Variants in RPS6KA5 observed in about 807,000 individuals in gnomAD.
RPS6KA5 encodes the protein ribosomal protein S6 kinase alpha-5.
RPS6KA5 carries 27 observed loss-of-function variants against 85.5 expected under a neutral mutation model. The ratio of observed to expected loss-of-function variants is 0.32; its 90% confidence interval spans 0.23 to 0.44. The LOEUF (loss-of-function observed/expected upper bound fraction) is 0.44, where lower values mean the gene tolerates loss of function less well. Ranked by LOEUF, RPS6KA5 falls within the 20% of genes least tolerant of loss-of-function variation. RPS6KA5 has a pLI of 1.00. For synonymous variants in RPS6KA5, 334 were observed against 348.2 expected (o/e 0.96, Z 0.46); for missense variants, 811 against 980.9 (o/e 0.83, Z 2.31).
intron 5 of RPS6KA5, among the ~76,000 whole-genome samples, chr14:90,936,490 G>A (rs960131601): frequency 6.6e-6 from 1 of 152,142 alleles, no homozygotes; most frequent in Non-Finnish European, 1.5e-5. Flanking sequence ...CTTGACCCCA[G>A]GAGGCAGAAG....
intron 14 of RPS6KA5, among the ~76,000 whole-genome samples, chr14:90,878,191 C>T (rs554517424): frequency 6.6e-6 from 1 of 152,338 alleles, no homozygotes; most frequent in African/African-American, 2.4e-5. Context: ...ATCCCCTGAA[C>T]CTTGCGTAGT....
Position 90,920,243 on chromosome 14 carries a change from C to G in RPS6KA5, c.769G>C (p.Val257Leu). The change falls in exon 7 of 17, where the codon GTT becomes CTT. Residue 257 changes from valine to leucine, a missense_variant. Physicochemically the swap from Val to Leu is conservative, Grantham distance 32. Around this residue, in one of 3 missense-constraint regions of RPS6KA5, gnomAD observed 650 missense variants for 793.4 expected, o/e 0.82. Coordinates refer to ENST00000614987, the MANE Select transcript of RPS6KA5 (RefSeq NM_004755.4). ...ELLTGASPFT[V>L]DGEKNSQAEI... is the part of the protein sequence containing the mutation. ...GCTTGGGAATTTTTTTCTCCATCAACAGTGAAAGGAGATGCTCCAGTTAGT... is the reference window on the plus strand; with the variant it reads ...GCTTGGGAATTTTTTTCTCCATCAAGAGTGAAAGGAGATGCTCCAGTTAGT... 1 of 1,612,478 alleles carries G rather than the reference C, an allele frequency of 6.2e-7. No individual in the cohort carries two copies. Among genetic ancestry groups the G allele is most frequent in the Non-Finnish European group, 8.5e-7 (1 of 1,178,980 alleles).
chr14:91,054,359 A>T (rs1000235036), intron 1 of RPS6KA5, among the ~76,000 whole-genome samples: 1 of 152,190 alleles, frequency 6.6e-6, no homozygotes, highest in Non-Finnish European at 1.5e-5. Flanking sequence ...TTTTAGGGCC[A>T]GGAGCGGTGG....
chr14:90,904,793 AGGC>A (rs2140242396), intron 8 of RPS6KA5, among the ~76,000 whole-genome samples: 1 of 152,338 alleles, frequency 6.6e-6, no homozygotes, highest in African/African-American at 2.4e-5. Context: ...TAAAAAGTCA[AGGC>A]AATTAAGTAA....
intron 8 of RPS6KA5, among the ~76,000 whole-genome samples, chr14:90,905,364 C>G (rs74083894): frequency 0.04 from 6,126 of 152,082 alleles, 403 homozygotes; most frequent in African/African-American, 0.14. Context: ...TCCCTTTAGA[C>G]CATAAATATT....
At chr14:91,056,807 C>G (rs983163318) in intron 1 of RPS6KA5, among the ~76,000 whole-genome samples, 2 of 142,860 alleles carry the variant, frequency 1.4e-5, no homozygotes, top group African/African-American at 2.9e-5. Context: ...AGTCCTAACC[C>G]ATTCTTTGCT....
At chr14:90,889,701 T>C (rs942907629) in intron 14 of RPS6KA5, among the ~76,000 whole-genome samples, 11 of 152,164 alleles carry the variant, frequency 7.2e-5, no homozygotes, top group African/African-American at 1.4e-4. Context: ...AATACAGGTA[T>C]AATATAATCT....
At chr14:90,906,029 G>T in intron 8 of RPS6KA5, 120 bp downstream of exon 8, 4 of 965,692 alleles carry the variant, frequency 4.1e-6, no homozygotes, top group Non-Finnish European at 4.5e-6. Flanking sequence ...TGCAATGTAC[G>T]TGAAAATGCC....
chr14:90,875,440 C>T (rs2140143200), intron 14 of RPS6KA5, 80 bp from the exon 15 acceptor site: 2 of 1,302,062 alleles, frequency 1.5e-6, no homozygotes, highest in South Asian at 2.9e-5. Context: ...AGTAACGTAA[C>T]TGGTGTAATT....
At chr14:90,990,603 C>T (rs1011763208) in intron 2 of RPS6KA5, among the ~76,000 whole-genome samples, 1 of 152,184 alleles carries the variant, frequency 6.6e-6, no homozygotes, top group Non-Finnish European at 1.5e-5. Flanking sequence ...TTCACTGCAG[C>T]ACTATTCAAA....
At chr14:91,007,977 C>T (rs1455236634) in intron 1 of RPS6KA5, among the ~76,000 whole-genome samples, 1 of 152,116 alleles carries the variant, frequency 6.6e-6, no homozygotes, top group Non-Finnish European at 1.5e-5. Context: ...CAGCCACAAA[C>T]CTATGATTGA....
chr14:91,029,941 C>T (rs749333258), intron 1 of RPS6KA5, among the ~76,000 whole-genome samples: 10 of 151,954 alleles, frequency 6.6e-5, no homozygotes, highest in Non-Finnish European at 1.0e-4. Flanking sequence ...ATTCAATAAC[C>T]CACAAAGACA....
intron 1 of RPS6KA5, among the ~76,000 whole-genome samples, chr14:91,026,684 A>C (rs934179178): frequency 5.9e-5 from 9 of 152,244 alleles, no homozygotes; most frequent in African/African-American, 2.2e-4. Context: ...TTGCTAGATC[A>C]AATGGTAGTT....
chr14:90,996,161 G>A (rs1231014548), intron 2 of RPS6KA5, among the ~76,000 whole-genome samples: 3 of 150,734 alleles, frequency 2.0e-5, no homozygotes, highest in Admixed American at 1.3e-4. Flanking sequence ...ATAAGCGAGT[G>A]TCACAACAGC....
chr14:90,948,894 T>C (rs1043104128), intron 3 of RPS6KA5, among the ~76,000 whole-genome samples: 1 of 152,224 alleles, frequency 6.6e-6, no homozygotes, highest in Non-Finnish European at 1.5e-5. Flanking sequence ...GATAAAAGAA[T>C]GAAATTGTTC....
In RPS6KA5 at chr14:90,868,500, C is replaced by T. The variant is rs1001888223; in HGVS notation, c.*3574G>A. 6.6e-6 allele frequency: 1 copy of T among 152,086 alleles called. No homozygotes were observed. Among genetic ancestry groups the T allele is most frequent in the African/African-American group, 2.4e-5 (1 of 41,414 alleles). 9.4% of individuals were successfully genotyped at this position (152,086 alleles called of 1,614,324 possible). ...AATTATTTTGACATAAGTGGCATAT[C>T]AGAATTTAACTTATTTACTTAGATC... is the stretch of plus-strand genomic sequence containing the variant. On this transcript the variant is annotated 3_prime_UTR_variant, in exon 17 of 17. Transcript: ENST00000614987.
In RPS6KA5 at chr14:91,007,710, T is replaced by G. The variant is rs1016453676; in HGVS notation, c.104-6551A>C. On this transcript the variant is annotated intron_variant, in intron 1 of 16. Coordinates refer to ENST00000614987, the MANE Select transcript of RPS6KA5 (RefSeq NM_004755.4). The stretch of plus-strand genomic sequence containing the variant: ...ATTCTGTCCAATACTTACTATTTTG[T>G]TTTTTTTTTTGGTAGTAGCCATCCT... Among the ~76,000 whole-genome samples the G allele has an allele frequency of 3.9e-4, 14 of 36,356 alleles. No individual in the cohort carries two copies. The South Asian group carries it at 9.2e-3, about 24-fold the overall frequency. The allele number at this position is 36,356 out of a possible 152,430, so 23.9% of individuals were successfully genotyped here.
chr14:90,937,577 C>A (rs992473908), intron 5 of RPS6KA5, among the ~76,000 whole-genome samples: 30 of 152,134 alleles, frequency 2.0e-4, no homozygotes, highest in Non-Finnish European at 2.6e-4. Flanking sequence ...CTGATAAATA[C>A]ATATCCGAGA....
intron 1 of RPS6KA5, among the ~76,000 whole-genome samples, chr14:91,058,027 T>C (rs7155598): frequency 0.018 from 2,713 of 152,308 alleles, 62 homozygotes; most frequent in African/African-American, 0.063. Context: ...CACCACCAAC[T>C]GCCAGCCTGA....
Sources: allele counts gnomAD v4.1 joint callset (sites outside exome capture counted in the v4.1 genomes callset), GRCh38; gene constraint gnomAD v4.1.1; regional missense constraint gnomAD v4.1.1; transcripts MANE v1.5; gene names NCBI Gene and HGNC (gene_info 2026-07-23, HGNC 2026-07-21).